The following CARMIL1 variants were observed in gnomAD, a reference collection of about 807,000 sequenced individuals.
CARMIL1 encodes F-actin-uncapping protein LRRC16A.
CARMIL1 carries 90 observed loss-of-function variants against 177.1 expected under a neutral mutation model. The ratio of observed to expected loss-of-function variants is 0.51; its 90% CI spans 0.43 to 0.61. CARMIL1 has a LOEUF of 0.61. CARMIL1 is among the 20% of genes least tolerant of loss of function. The probability of loss-of-function intolerance (pLI) is 0.00; values close to 1 mark genes in which losing one functional copy is unlikely to be tolerated. For synonymous variants in CARMIL1, 577 were observed against 606.2 expected (o/e 0.95, Z 0.71); for missense variants, 1,380 against 1,667.0 (o/e 0.83, Z 3.00).
chr6:25,503,288 G>A (rs938732993), intron 17 of CARMIL1, among the ~76,000 whole-genome samples: 8 of 152,158 alleles, frequency 5.3e-5, no homozygotes, highest in African/African-American at 1.9e-4. Flanking sequence ...CACAGTACTG[G>A]TGACCACATT....
At position 25,441,337 on chromosome 6, in the gene CARMIL1, A is replaced by ATATATG; in HGVS notation, c.371+5734_371+5735insATATGT. Among the ~76,000 whole-genome samples, 923 of 94,518 alleles carry ATATATG rather than the reference A, an allele frequency of 9.8e-3. 12 individuals are homozygous for ATATATG. Among genetic ancestry groups the ATATATG allele is most frequent in the South Asian group, 0.019 (45 of 2,424 alleles). 62.0% of individuals were successfully genotyped at this position (94,518 alleles called of 152,430 possible). On this transcript the variant is annotated intron_variant, in intron 5 of 36. Transcript: ENST00000329474. ...CAAACAAACATATATATATATATAT[A>ATATATG]TGTGTGTGTGTGTGTGTGTGTGTGT...
At chr6:25,545,971 G>T (rs1267010869) in intron 26 of CARMIL1, among the ~76,000 whole-genome samples, 1 of 152,154 alleles carries the variant, frequency 6.6e-6, no homozygotes, top group Non-Finnish European at 1.5e-5. Flanking sequence ...CTAATGAGCT[G>T]TTAATGGATA....
intron 29 of CARMIL1, among the ~76,000 whole-genome samples, chr6:25,560,544 T>C (rs947881486): frequency 1.3e-5 from 2 of 152,174 alleles, no homozygotes; most frequent in African/African-American, 4.8e-5. Flanking sequence ...ACCAGTTCAA[T>C]CTTCATAGCA....
chr6:25,439,388 A>G (rs1797525989), intron 5 of CARMIL1, among the ~76,000 whole-genome samples: 1 of 152,168 alleles, frequency 6.6e-6, no homozygotes, highest in Non-Finnish European at 1.5e-5. Flanking sequence ...GATGGTCTTC[A>G]CTGCATGGCT....
At chr6:25,508,178 C>T (rs563758868) in intron 17 of CARMIL1, among the ~76,000 whole-genome samples, 8 of 152,168 alleles carry the variant, frequency 5.3e-5, no homozygotes, top group Non-Finnish European at 8.8e-5. Flanking sequence ...GAGATAGGCT[C>T]GATGGGGCAT....
chr6:25,280,715 G>A (rs543799197), intron 1 of CARMIL1, among the ~76,000 whole-genome samples: 1 of 152,124 alleles, frequency 6.6e-6, no homozygotes, highest in African/African-American at 2.4e-5. Context: ...TAGCGTTTAA[G>A]CATGTATATG....
intron 8 of CARMIL1, among the ~76,000 whole-genome samples, chr6:25,454,450 G>C (rs1161503314): frequency 6.6e-6 from 1 of 152,164 alleles, no homozygotes; most frequent in Admixed American, 6.5e-5. Context: ...ACCTGCTCTA[G>C]ATCAGCCACC....
At chr6:25,288,786 G>A (rs960612216) in intron 2 of CARMIL1, among the ~76,000 whole-genome samples, 13 of 152,142 alleles carry the variant, frequency 8.5e-5, no homozygotes, top group African/African-American at 2.7e-4. Context: ...TTATTAGCAG[G>A]ATAGAGGGCA....
At chr6:25,357,611 AT>A (rs970797896) in intron 2 of CARMIL1, among the ~76,000 whole-genome samples, 4 of 152,010 alleles carry the variant, frequency 2.6e-5, no homozygotes, top group African/African-American at 9.7e-5. Context: ...AAAAAAACAC[AT>A]TTTTTTGAGT....
chr6:25,301,135 G>A (rs1328424643), intron 2 of CARMIL1, among the ~76,000 whole-genome samples: 1 of 152,192 alleles, frequency 6.6e-6, no homozygotes, highest in African/African-American at 2.4e-5. Context: ...GACTCCCAAG[G>A]TACGCATCGA....
At chr6:25,618,379 A>G (rs1355575034) in intron 36 of CARMIL1, among the ~76,000 whole-genome samples, 3 of 152,182 alleles carry the variant, frequency 2.0e-5, no homozygotes, top group Non-Finnish European at 4.4e-5. Flanking sequence ...CTTCCGAGTG[A>G]TGAGGTAGCT....
intron 2 of CARMIL1, among the ~76,000 whole-genome samples, chr6:25,317,362 G>T (rs939220539): frequency 6.6e-6 from 1 of 151,896 alleles, no homozygotes; most frequent in African/African-American, 2.4e-5. Context: ...GAACTCCTGG[G>T]CTCAAGCAAT....
chr6:25,452,210 T>C, intron 8 of CARMIL1: 1 of 763,952 alleles, frequency 1.3e-6, no homozygotes, highest in Non-Finnish European at 2.4e-6. Context: ...GCCTAAAGCC[T>C]CCAGTTCTCA....
At chr6:25,340,077 T>C (rs1786746083) in intron 2 of CARMIL1, among the ~76,000 whole-genome samples, 1 of 152,206 alleles carries the variant, frequency 6.6e-6, no homozygotes, top group Non-Finnish European at 1.5e-5. Context: ...TTCTTGCAGA[T>C]CCATTGCCCA....
intron 23 of CARMIL1, 46 bp downstream of exon 23, chr6:25,520,383 T>TTTC: frequency 9.5e-7 from 1 of 1,053,560 alleles, no homozygotes; most frequent in Non-Finnish European, 1.4e-6. Context: ...CACATTTGAA[T>TTTC]TGTGGTTATG....
intron 2 of CARMIL1, among the ~76,000 whole-genome samples, chr6:25,335,316 A>T (rs913522499): frequency 6.6e-5 from 10 of 152,194 alleles, no homozygotes; most frequent in Non-Finnish European, 4.4e-5. Flanking sequence ...TGATTTTGTT[A>T]TAAGATAAGG....
intron 31 of CARMIL1, among the ~76,000 whole-genome samples, chr6:25,590,710 T>C (rs1417019128): frequency 1.3e-5 from 2 of 152,156 alleles, no homozygotes; most frequent in African/African-American, 4.8e-5. Context: ...ATCATTTTGA[T>C]AATTTATATA....
At chr6:25,606,933 T>G (rs1341908297) in intron 35 of CARMIL1, among the ~76,000 whole-genome samples, 7 of 152,160 alleles carry the variant, frequency 4.6e-5, no homozygotes, top group Non-Finnish European at 1.0e-4. Flanking sequence ...GAAAATCTAA[T>G]GATAGAAGAA....
chr6:25,318,112 T>A (rs559610990), intron 2 of CARMIL1, among the ~76,000 whole-genome samples: 2 of 152,282 alleles, frequency 1.3e-5, no homozygotes, highest in African/African-American at 4.8e-5. Context: ...TCTCTAATTT[T>A]GTTCTCAGTT....
Sources: gnomAD v4.1 joint callset for allele counts (sites outside exome capture counted in the v4.1 genomes callset) on GRCh38, gnomAD v4.1.1 for gene constraint, MANE v1.5 for transcripts, NCBI Gene and HGNC (gene_info 2026-07-23, HGNC 2026-07-21) for gene names.